SDK1: variants seen among roughly 807,000 people sequenced by gnomAD.
SDK1 encodes the protein protein sidekick-1.
SDK1 carries 157 observed loss-of-function variants against 245.5 expected under a neutral mutation model. The ratio of observed to expected loss-of-function variants is 0.64; its 90% CI spans 0.56 to 0.73. The LOEUF is 0.73. Ranked by LOEUF, SDK1 falls within the 30% of genes least tolerant of loss-of-function variation. SDK1 has a pLI of 0.00. For synonymous variants in SDK1, 1,647 were observed against 1,278.5 expected, an observed-to-expected ratio of 1.29 and a Z score of -6.15; for missense variants, 3,583 against 3,002.3, an observed-to-expected ratio of 1.19 and a Z score of -4.52.
At chr7:3,711,231 A>C (rs1317049354) in intron 4 of SDK1, among the ~76,000 whole-genome samples, 1 of 152,188 alleles carries the variant, frequency 6.6e-6, no homozygotes, top group African/African-American at 2.4e-5. Flanking sequence ...CTTCTCTTTA[A>C]AGTGAGAATA....
At chr7:3,415,614 A>G (rs1410523265) in intron 1 of SDK1, among the ~76,000 whole-genome samples, 1 of 151,892 alleles carries the variant, frequency 6.6e-6, no homozygotes, top group African/African-American at 2.4e-5. Context: ...AAAGGATTGG[A>G]AGGATACCCA....
intron 14 of SDK1, among the ~76,000 whole-genome samples, chr7:3,994,947 C>G (rs1421774307): frequency 6.6e-6 from 1 of 152,094 alleles, no homozygotes; most frequent in Admixed American, 6.6e-5. Flanking sequence ...TGCAGAGAAC[C>G]CACCGCTGGG....
intron 41 of SDK1, 32 bp from the exon 42 acceptor site, chr7:4,237,615 C>T (rs371317517): frequency 1.9e-6 from 3 of 1,613,740 alleles, no homozygotes; most frequent in South Asian, 1.1e-5. Context: ...GCGTCTGCCC[C>T]ATGTCATTGT....
At chr7:3,799,440 C>G (rs1049776179) in intron 4 of SDK1, among the ~76,000 whole-genome samples, 11 of 151,904 alleles carry the variant, frequency 7.2e-5, no homozygotes, top group African/African-American at 2.7e-4. Flanking sequence ...TGCAGTGGCT[C>G]ACGTCTGTAA....
At chr7:3,694,468 A>G (rs1368746989) in intron 4 of SDK1, among the ~76,000 whole-genome samples, 1 of 152,178 alleles carries the variant, frequency 6.6e-6, no homozygotes, top group Non-Finnish European at 1.5e-5. Flanking sequence ...TTGGCCGTGT[A>G]CAGAGAAGGA....
At chr7:3,789,523 G>A (rs757589023) in intron 4 of SDK1, among the ~76,000 whole-genome samples, 3 of 152,094 alleles carry the variant, frequency 2.0e-5, no homozygotes, top group Non-Finnish European at 4.4e-5. Flanking sequence ...TATTTTAATG[G>A]GACTTTTTGT....
chr7:3,774,841 T>C (rs1780505489), intron 4 of SDK1, among the ~76,000 whole-genome samples: 1 of 152,250 alleles, frequency 6.6e-6, no homozygotes, highest in Non-Finnish European at 1.5e-5. Context: ...ACCATGATCC[T>C]ACAAGTCTGA....
chr7:3,336,460 A>G (rs1371555034), intron 1 of SDK1, among the ~76,000 whole-genome samples: 5 of 152,090 alleles, frequency 3.3e-5, no homozygotes, highest in Non-Finnish European at 7.4e-5. Flanking sequence ...CACCAGCCAC[A>G]ATGAGGTGGT....
At chr7:4,100,277 G>C (rs533821433) in intron 22 of SDK1, among the ~76,000 whole-genome samples, 2 of 152,296 alleles carry the variant, frequency 1.3e-5, no homozygotes, top group East Asian at 3.9e-4. Context: ...TGGGCTCCTA[G>C]GGCAGGGGCC....
At chr7:3,675,470 C>G (rs971916737) in intron 4 of SDK1, among the ~76,000 whole-genome samples, 9 of 152,168 alleles carry the variant, frequency 5.9e-5, no homozygotes, top group Admixed American at 3.9e-4. Flanking sequence ...TTTCCTGTTT[C>G]ATTCACATTA....
chr7:3,903,057 A>T (rs1030470904), intron 5 of SDK1, among the ~76,000 whole-genome samples: 5 of 152,200 alleles, frequency 3.3e-5, no homozygotes, highest in Non-Finnish European at 7.3e-5. Context: ...CATCAGGGAA[A>T]TGCAAATCAA....
At chr7:3,447,950 C>T (rs1780395141) in intron 1 of SDK1, among the ~76,000 whole-genome samples, 1 of 152,036 alleles carries the variant, frequency 6.6e-6, no homozygotes, top group Non-Finnish European at 1.5e-5. Context: ...GTGATCCACC[C>T]ACCTCAGCCT....
chr7:3,749,324 G>C (rs1779712392), intron 4 of SDK1, among the ~76,000 whole-genome samples: 1 of 151,990 alleles, frequency 6.6e-6, no homozygotes, highest in Admixed American at 6.5e-5. Flanking sequence ...TTTTGAAATG[G>C]AGTCTCGCCC....
rs921822848 is a variant in SDK1, at chr7:3,902,193, C to T, written c.848-48730C>T. The stretch of plus-strand genomic sequence containing the variant: ...AGACTCTTCAGTGGCTAGAAATGTG[C>T]GCGTGTGCATGTGTGTGTGTGTATT... On this transcript the variant is annotated intron_variant, in intron 5 of 44. Coordinates refer to ENST00000404826, the MANE Select transcript of SDK1 (RefSeq NM_152744.4). 1.4e-4 allele frequency among the ~76,000 whole-genome samples: 22 copies of T among 152,204 alleles called. No homozygotes were observed. In the East Asian group the frequency reaches 2.5e-3, roughly 17 times the overall value.
intron 1 of SDK1, among the ~76,000 whole-genome samples, chr7:3,499,574 A>G (rs927195686): frequency 1.1e-4 from 17 of 152,162 alleles, no homozygotes; most frequent in African/African-American, 3.6e-4. Context: ...GCTCTTCTTT[A>G]TGGACTAACC....
At chr7:3,583,285 G>A (rs901679696) in intron 1 of SDK1, among the ~76,000 whole-genome samples, 1 of 152,184 alleles carries the variant, frequency 6.6e-6, no homozygotes. Context: ...GGAGTAAACT[G>A]CTTTCTTAGT....
chr7:4,221,516 T>C (rs1349180391), intron 40 of SDK1, 152 bp downstream of exon 40: 24 of 915,446 alleles, frequency 2.6e-5, no homozygotes, highest in Non-Finnish European at 3.7e-5. Flanking sequence ...AAGACATCCA[T>C]GGCTCACTCA....
chr7:3,838,281 T>C (rs1397071384), intron 5 of SDK1, among the ~76,000 whole-genome samples: 2 of 152,146 alleles, frequency 1.3e-5, no homozygotes, highest in East Asian at 1.9e-4. Flanking sequence ...GAGATGGTCA[T>C]CTAGATGGGT....
intron 35 of SDK1, among the ~76,000 whole-genome samples, chr7:4,182,815 C>T (rs964688665): frequency 1.3e-5 from 2 of 152,162 alleles, no homozygotes; most frequent in African/African-American, 4.8e-5. Context: ...CACTTTAGGG[C>T]CCTGGCAGAT....
Sources: allele counts gnomAD v4.1 joint callset (sites outside exome capture counted in the v4.1 genomes callset), GRCh38; gene constraint gnomAD v4.1.1; transcripts MANE v1.5; gene names NCBI Gene and HGNC (gene_info 2026-07-23, HGNC 2026-07-21).